The following BLTP1 variants were observed in gnomAD, a reference collection of about 807,000 sequenced individuals.
The protein encoded by BLTP1 is fragile site-associated protein.
chr4:122,186,993 G>A, the BLTP1 span: 1 of 984,400 alleles, frequency 1.0e-6, no homozygotes, highest in Non-Finnish European at 1.2e-6. Flanking sequence ...GAAGGAAGAG[G>A]AGCAACTGGA....
At chr4:122,327,328 A>G in the BLTP1 span, among the ~76,000 whole-genome samples, 53 of 151,884 alleles carry the variant, frequency 3.5e-4, no homozygotes, top group African/African-American at 1.3e-3. Context: ...ATCCTCCCAT[A>G]TACATTAAAT....
At chr4:122,242,998 G>A in the BLTP1 span, 93 of 1,563,788 alleles carry the variant, frequency 5.9e-5, no homozygotes, top group Non-Finnish European at 7.0e-5. Flanking sequence ...TATATTCTAG[G>A]TTATCAAGCA....
the BLTP1 span, chr4:122,186,328 C>G: frequency 1.5e-6 from 1 of 663,710 alleles, no homozygotes; most frequent in Non-Finnish European, 2.2e-6. Flanking sequence ...TATTTCTTTG[C>G]AAATTAACTG....
the BLTP1 span, chr4:122,195,769 C>T: frequency 2.3e-6 from 1 of 440,032 alleles, no homozygotes; most frequent in Non-Finnish European, 3.0e-6. Flanking sequence ...ATTTTCCTTT[C>T]ATATATTTTA....
At chr4:122,234,979 C>T in the BLTP1 span, 1 of 1,607,962 alleles carries the variant, frequency 6.2e-7, no homozygotes, top group South Asian at 1.1e-5. Flanking sequence ...CTGCTACAGC[C>T]TGGAGAATGG....
At chr4:122,183,036 C>G in the BLTP1 span, 2 of 984,758 alleles carry the variant, frequency 2.0e-6, no homozygotes, top group Non-Finnish European at 2.4e-6. Flanking sequence ...CTACTTTTCT[C>G]AAAAAGAAAA....
At chr4:122,199,977 T>C in the BLTP1 span, 1 of 971,030 alleles carries the variant, frequency 1.0e-6, no homozygotes, top group East Asian at 1.1e-4. Flanking sequence ...AAGCAGATTA[T>C]TATTATTATT....
chr4:122,243,816 G>T, the BLTP1 span: 1 of 1,432,858 alleles, frequency 7.0e-7, no homozygotes, highest in South Asian at 1.7e-5. Context: ...CTAATTCATG[G>T]TCTTTTTAAT....
At chr4:122,207,029 C>G in the BLTP1 span, 3 of 1,279,890 alleles carry the variant, frequency 2.3e-6, no homozygotes, top group Non-Finnish European at 3.2e-6. Flanking sequence ...TCATTTTTGA[C>G]TGGTGTTAGA....
the BLTP1 span, chr4:122,182,773 T>C: frequency 1.0e-6 from 1 of 985,408 alleles, no homozygotes; most frequent in Non-Finnish European, 1.2e-6. Context: ...ATTGTAATTG[T>C]TTATATGCAT....
At chr4:122,343,066 C>T in the BLTP1 span, among the ~76,000 whole-genome samples, 4 of 152,112 alleles carry the variant, frequency 2.6e-5, no homozygotes, top group East Asian at 1.9e-4. Context: ...ATGTTCTCCC[C>T]CACTTTGCTT....
chr4:122,289,130 A>G, the BLTP1 span: 1 of 1,610,426 alleles, frequency 6.2e-7, no homozygotes. Context: ...CTTCTAAACC[A>G]CTTGGTATTT....
At chr4:122,255,891 A>G in the BLTP1 span, 1 of 175,406 alleles carries the variant, frequency 5.7e-6, no homozygotes, top group Non-Finnish European at 1.1e-5. Context: ...GAGGTAGGAG[A>G]ACTAGGAAAG....
chr4:122,211,083 T>G, the BLTP1 span: 1 of 1,611,486 alleles, frequency 6.2e-7, no homozygotes, highest in Non-Finnish European at 8.5e-7. Flanking sequence ...TAAATGCCTT[T>G]TTGTGTATAA....
the BLTP1 span, chr4:122,280,044 G>T: frequency 6.2e-7 from 1 of 1,605,484 alleles, no homozygotes; most frequent in Non-Finnish European, 8.5e-7. Flanking sequence ...ATTCTTTGCT[G>T]CATTAACAAA....
the BLTP1 span, chr4:122,225,799 T>C: frequency 6.6e-6 from 1 of 152,260 alleles, no homozygotes; most frequent in African/African-American, 2.4e-5. Flanking sequence ...CTCTCCTTAT[T>C]ATCTCCCATT....
the BLTP1 span, chr4:122,201,179 T>TA: frequency 7.2e-7 from 1 of 1,384,944 alleles, no homozygotes; most frequent in African/African-American, 1.5e-5. Context: ...TGAACTTGTT[T>TA]ACATTTGATA....
At chr4:122,203,787 G>GA in the BLTP1 span, 1 of 507,656 alleles carries the variant, frequency 2.0e-6, no homozygotes, top group Non-Finnish European at 2.5e-6. Context: ...AGTTATTAAA[G>GA]AAAAAAACTA....
chr4:122,315,427 G>T, the BLTP1 span: 3 of 1,612,826 alleles, frequency 1.9e-6, no homozygotes, highest in Non-Finnish European at 2.5e-6. Context: ...CTATACCCAG[G>T]ACTTAACAAA....
Sources: gnomAD v4.1 joint callset for allele counts (sites outside exome capture counted in the v4.1 genomes callset) on GRCh38, gnomAD v4.1.1 for gene constraint, MANE v1.5 for transcripts, NCBI Gene and HGNC (gene_info 2026-07-23, HGNC 2026-07-21) for gene names.